The following OR6N1 variants were observed in gnomAD, a reference collection of about 807,000 sequenced individuals.
OR6N1 encodes the protein olfactory receptor family 6 subfamily N member 1.
For synonymous variants in OR6N1, 170 were observed against 150.7 expected (o/e 1.13, Z -0.94); for missense variants, 394 against 371.7 (o/e 1.06, Z -0.49).
At chr1:158,769,116 G>C (rs186822317) in intron 1 of OR6N1, among the ~76,000 whole-genome samples, 1 of 152,128 alleles carries the variant, frequency 6.6e-6, no homozygotes, top group Non-Finnish European at 1.5e-5. Context: ...CAAGCCATGG[G>C]CTGGATATGG....
At chr1:158,791,753 C>G in the OR6N1 span, among the ~76,000 whole-genome samples, 2 of 152,172 alleles carry the variant, frequency 1.3e-5, no homozygotes, top group Admixed American at 1.3e-4. Flanking sequence ...CAGGCGTGAG[C>G]CACAGTGACC....
the OR6N1 span, among the ~76,000 whole-genome samples, chr1:158,790,606 G>A: frequency 8.6e-3 from 1,313 of 151,922 alleles, 22 homozygotes; most frequent in African/African-American, 0.03. Context: ...GGGTTTCACC[G>A]TGTTAGCCAG....
the OR6N1 span, among the ~76,000 whole-genome samples, chr1:158,819,691 G>GA: frequency 2.0e-5 from 3 of 151,596 alleles, no homozygotes; most frequent in Non-Finnish European, 2.9e-5. Context: ...TCCTTTTTAG[G>GA]AAAAAAAAGC....
chr1:158,787,513 G>C, the OR6N1 span, among the ~76,000 whole-genome samples: 1 of 151,772 alleles, frequency 6.6e-6, no homozygotes, highest in South Asian at 2.1e-4. Flanking sequence ...TTACAAAAAC[G>C]AACTATCTTG....
rs746316164 is a variant in OR6N1 at position 158,766,496 on chromosome 1, C to A, written c.187G>T (p.Val63Phe). ...SRLHTPMYHFVSILSFSELGY... is the reference protein window; with the variant it reads ...SRLHTPMYHFFSILSFSELGY... ...AGCTCTGAGAAGGAGAGAATGCTGA[C>A]AAAGTGGTACATGGGTGTGTGAAGC... Residue 63 changes from valine (V) to phenylalanine (F), a missense_variant, in exon 2 of 2, where the codon GTC becomes TTC. Coordinates refer to ENST00000641846, the MANE Select transcript of OR6N1 (RefSeq NM_001005185.2). 1.5e-5 allele frequency: 24 copies of A among 1,614,126 alleles called. No homozygotes were observed. Among genetic ancestry groups the A allele is most frequent in the Non-Finnish European group, 2.0e-5 (24 of 1,180,036 alleles).
rs1310249370 is a variant in OR6N1 at position 158,766,176 on chromosome 1, A to T, written c.507T>A (p.Cys169Ter). 6.2e-7 allele frequency: 1 copy of T among 1,614,082 alleles called. No individual in the cohort carries two copies. The highest frequency in any genetic ancestry group is 1.3e-5 in the African/African-American group (1 of 74,930). ...EISLISRLPF[C>*]GPNRIQHVFC... ...AGACGTGCTGAATGCGATTGGGGCC[A>T]CAGAATGGGAGGCGTGAAATCAAGG... Residue 169 changes from cysteine to a stop codon, truncating the protein, a stop_gained, in exon 2 of 2, where the codon TGT becomes TGA. Transcript: ENST00000641846. LOFTEE classifies it low-confidence loss of function (END_TRUNC).
chr1:158,825,165 C>T, the OR6N1 span, among the ~76,000 whole-genome samples: 21 of 152,178 alleles, frequency 1.4e-4, no homozygotes, highest in East Asian at 1.5e-3. Flanking sequence ...AAGGGCCAGG[C>T]GCAGTGGCTC....
the OR6N1 span, among the ~76,000 whole-genome samples, chr1:158,807,629 A>G: frequency 1.3e-5 from 2 of 152,210 alleles, no homozygotes; most frequent in Non-Finnish European, 2.9e-5. Flanking sequence ...CATTCTGCTC[A>G]TGGTGCGCTG....
chr1:158,785,230 C>T, the OR6N1 span, among the ~76,000 whole-genome samples: 5 of 152,098 alleles, frequency 3.3e-5, no homozygotes, highest in African/African-American at 1.2e-4. Flanking sequence ...AAATACAAAA[C>T]CCTTTTGTGC....
the OR6N1 span, among the ~76,000 whole-genome samples, chr1:158,821,243 C>T: frequency 1.3e-5 from 2 of 152,120 alleles, no homozygotes; most frequent in African/African-American, 4.8e-5. Context: ...CATGCACTAC[C>T]TCCCTCATCA....
the OR6N1 span, among the ~76,000 whole-genome samples, chr1:158,837,476 CT>C: frequency 6.6e-6 from 1 of 151,672 alleles, no homozygotes; most frequent in African/African-American, 2.4e-5. Flanking sequence ...TCTTATAACA[CT>C]TTTTGACTGT....
the OR6N1 span, among the ~76,000 whole-genome samples, chr1:158,832,430 G>A: frequency 1.3e-5 from 2 of 151,726 alleles, no homozygotes; most frequent in Non-Finnish European, 2.9e-5. Flanking sequence ...GAGATGTGGT[G>A]AAATCTCCAA....
the OR6N1 span, among the ~76,000 whole-genome samples, chr1:158,821,806 C>T: frequency 6.6e-6 from 1 of 152,146 alleles, no homozygotes; most frequent in African/African-American, 2.4e-5. Flanking sequence ...CCACAGAGAA[C>T]AAGTACTGGA....
chr1:158,794,153 C>G, the OR6N1 span, among the ~76,000 whole-genome samples: 1 of 152,080 alleles, frequency 6.6e-6, no homozygotes, highest in East Asian at 1.9e-4. Context: ...ACAGATGCAC[C>G]CATGCTGATT....
In OR6N1 at chr1:158,765,562, A is replaced by T; in HGVS notation, c.*182T>A. On this transcript the variant is annotated 3_prime_UTR_variant, in exon 2 of 2. Transcript: ENST00000641846. ...TTTCCCTAGTCTCTGGTCTCAAGCC[A>T]AATGTGGCTCCAGCAGACAGTATGA... is the stretch of plus-strand genomic sequence containing the variant. 1 of 571,008 alleles carries T rather than the reference A, an allele frequency of 1.8e-6. No homozygotes were observed. The highest frequency in any genetic ancestry group is 3.1e-6 in the Non-Finnish European group (1 of 321,786). The allele number at this position is 571,008 out of a possible 1,614,324, so 35.4% of individuals were successfully genotyped here. A position where few individuals can be genotyped will look rare whatever the true frequency, so the allele number is the denominator to read the frequency against.
chr1:158,769,752 A>C (rs2102009412), intron 1 of OR6N1, among the ~76,000 whole-genome samples: 1 of 152,322 alleles, frequency 6.6e-6, no homozygotes, highest in Middle Eastern at 3.4e-3. Context: ...TCCAAGACTT[A>C]ATATAGGATG....
the OR6N1 span, among the ~76,000 whole-genome samples, chr1:158,805,182 T>C: frequency 6.6e-6 from 1 of 152,388 alleles, no homozygotes; most frequent in Non-Finnish European, 1.5e-5. Flanking sequence ...TGTTCTCTGA[T>C]GTACTTGAGT....
the OR6N1 span, among the ~76,000 whole-genome samples, chr1:158,805,050 C>A: frequency 1.3e-5 from 2 of 152,112 alleles, no homozygotes; most frequent in African/African-American, 2.4e-5. Flanking sequence ...TTTATTGAAG[C>A]AAATAAACTT....
the OR6N1 span, among the ~76,000 whole-genome samples, chr1:158,786,633 T>C: frequency 6.6e-6 from 1 of 152,144 alleles, no homozygotes; most frequent in Admixed American, 6.5e-5. Context: ...ATAAAGAAAA[T>C]GTGGTATATA....
Sources: allele counts gnomAD v4.1 joint callset (sites outside exome capture counted in the v4.1 genomes callset), GRCh38; gene constraint gnomAD v4.1.1; transcripts MANE v1.5; gene names NCBI Gene and HGNC (gene_info 2026-07-23, HGNC 2026-07-21).